The following LGSN variants were observed in gnomAD, a reference collection of about 807,000 sequenced individuals.
LGSN encodes the protein lengsin, lens protein with glutamine synthetase domain, also known as lengsin.
LGSN carries 21 observed loss-of-function variants against 19.5 expected under a neutral mutation model. The ratio of observed to expected loss-of-function variants is 1.07; its 90% CI spans 0.76 to 1.55. The LOEUF (loss-of-function observed/expected upper bound fraction) is 1.55. Ranked by LOEUF, LGSN falls within the 40% of genes most tolerant of loss-of-function variation. LGSN has a pLI of 0.00. For synonymous variants in LGSN, 257 were observed against 215.6 expected (o/e 1.19, Z -1.68); for missense variants, 673 against 608.5 (o/e 1.11, Z -1.12).
the LGSN span, among the ~76,000 whole-genome samples, chr6:63,517,249 A>G: frequency 6.6e-6 from 1 of 152,162 alleles, no homozygotes; most frequent in East Asian, 1.9e-4. Context: ...TTAAAGAACT[A>G]TAAGGGTGCC....
chr6:63,342,097 G>C, the LGSN span, among the ~76,000 whole-genome samples: 2 of 152,194 alleles, frequency 1.3e-5, no homozygotes, highest in East Asian at 3.8e-4. Context: ...ATATCAATGG[G>C]TCAAGCTACA....
chr6:63,436,300 C>G, the LGSN span, among the ~76,000 whole-genome samples: 5 of 152,178 alleles, frequency 3.3e-5, no homozygotes, highest in African/African-American at 1.2e-4. Context: ...CGGGTTTTCA[C>G]CATGTTGGCC....
chr6:63,468,733 TTTAG>T, the LGSN span, among the ~76,000 whole-genome samples: 24 of 152,034 alleles, frequency 1.6e-4, no homozygotes, highest in African/African-American at 4.6e-4. Flanking sequence ...CGGCCATGTT[TTTAG>T]TTAGTTAGTT....
the LGSN span, among the ~76,000 whole-genome samples, chr6:63,558,528 A>T: frequency 1.3e-5 from 2 of 152,210 alleles, no homozygotes; most frequent in Admixed American, 1.3e-4. Context: ...TGATAACAGT[A>T]AAATGAACAG....
At chr6:63,495,122 A>G in the LGSN span, among the ~76,000 whole-genome samples, 1 of 152,150 alleles carries the variant, frequency 6.6e-6, no homozygotes, top group Non-Finnish European at 1.5e-5. Flanking sequence ...TAGATTTTAT[A>G]GATTATTATA....
the LGSN span, among the ~76,000 whole-genome samples, chr6:63,564,158 C>T: frequency 6.6e-6 from 1 of 151,900 alleles, no homozygotes; most frequent in Non-Finnish European, 1.5e-5. Flanking sequence ...GCCTGGTAAT[C>T]CTAGCTGCTT....
chr6:63,494,943 T>G, the LGSN span, among the ~76,000 whole-genome samples: 81,480 of 152,052 alleles, frequency 0.54, 23,662 homozygotes, highest in African/African-American at 0.77. Context: ...TGTTAATTCC[T>G]ATATTTATAA....
At chr6:63,366,773 G>A in the LGSN span, among the ~76,000 whole-genome samples, 12 of 151,922 alleles carry the variant, frequency 7.9e-5, no homozygotes, top group South Asian at 4.2e-4. Flanking sequence ...TAGAGCCCTT[G>A]GAAATAATAC....
At chr6:63,406,237 C>T in the LGSN span, among the ~76,000 whole-genome samples, 9 of 152,220 alleles carry the variant, frequency 5.9e-5, no homozygotes, top group East Asian at 1.7e-3. Flanking sequence ...TTTTTCAGCA[C>T]CACACCACAC....
intron 1 of LGSN, among the ~76,000 whole-genome samples, chr6:63,313,992 G>A (rs1689978488): frequency 6.6e-6 from 1 of 152,034 alleles, no homozygotes; most frequent in African/African-American, 2.4e-5. Context: ...GGAGGTCCCT[G>A]GGAGGACAGA....
chr6:63,311,791 ATAT>A (rs781292415), intron 1 of LGSN, among the ~76,000 whole-genome samples: 20 of 152,244 alleles, frequency 1.3e-4, no homozygotes, highest in Non-Finnish European at 2.5e-4. Flanking sequence ...GTCCTCTTAT[ATAT>A]TATTATTAAC....
the LGSN span, among the ~76,000 whole-genome samples, chr6:63,429,459 G>GGT: frequency 6.6e-6 from 1 of 152,150 alleles, no homozygotes; most frequent in African/African-American, 2.4e-5. Flanking sequence ...ATCTGGGCCA[G>GGT]GTGTGGTGGC....
At chr6:63,430,411 CAG>C in the LGSN span, among the ~76,000 whole-genome samples, 2 of 152,016 alleles carry the variant, frequency 1.3e-5, no homozygotes, top group Non-Finnish European at 2.9e-5. Flanking sequence ...TTATTTTAGA[CAG>C]AGTCTTGCTC....
At chr6:63,438,591 A>G in the LGSN span, among the ~76,000 whole-genome samples, 2 of 151,802 alleles carry the variant, frequency 1.3e-5, no homozygotes, top group South Asian at 2.1e-4. Context: ...GCAGCCAAAA[A>G]ACACATGAAA....
chr6:63,428,134 A>T, the LGSN span, among the ~76,000 whole-genome samples: 1 of 152,082 alleles, frequency 6.6e-6, no homozygotes, highest in Admixed American at 6.6e-5. Flanking sequence ...TTTTCTTCTA[A>T]CCAAACACTA....
the LGSN span, among the ~76,000 whole-genome samples, chr6:63,505,144 G>A: frequency 6.8e-6 from 1 of 147,896 alleles, no homozygotes; most frequent in Non-Finnish European, 1.5e-5. Flanking sequence ...CCTTCCCTCT[G>A]CTTCCTCATT....
the LGSN span, among the ~76,000 whole-genome samples, chr6:63,420,040 A>C: frequency 6.6e-6 from 1 of 151,508 alleles, no homozygotes; most frequent in Admixed American, 6.6e-5. Flanking sequence ...GTCTCTACTA[A>C]AAATACAAAA....
At chr6:63,354,181 G>C in the LGSN span, among the ~76,000 whole-genome samples, 1 of 151,994 alleles carries the variant, frequency 6.6e-6, no homozygotes, top group Non-Finnish European at 1.5e-5. Context: ...GCACAACAAA[G>C]AAAACCATCA....
At chr6:63,494,312 C>A in the LGSN span, among the ~76,000 whole-genome samples, 1 of 152,086 alleles carries the variant, frequency 6.6e-6, no homozygotes, top group Non-Finnish European at 1.5e-5. Context: ...CAGCCTATAG[C>A]AGCTTATCAT....
Sources: allele counts gnomAD v4.1 joint callset (sites outside exome capture counted in the v4.1 genomes callset), GRCh38; gene constraint gnomAD v4.1.1; transcripts MANE v1.5; gene names NCBI Gene and HGNC (gene_info 2026-07-23, HGNC 2026-07-21).